SAXO5: variants seen among roughly 807,000 people sequenced by gnomAD.
The protein encoded by SAXO5 is stabilizer of axonemal microtubules 5, also known as testis expressed 45.
chr19:7,500,932 G>A, the SAXO5 span: 6 of 1,581,046 alleles, frequency 3.8e-6, no homozygotes, highest in Non-Finnish European at 5.1e-6. Flanking sequence ...CTGCACGAGG[G>A]CACCATGCGC....
chr19:7,504,299 G>C, the SAXO5 span: 1 of 1,614,164 alleles, frequency 6.2e-7, no homozygotes, highest in African/African-American at 1.3e-5. Context: ...TCCTATCCCT[G>C]TCTGCCCACA....
chr19:7,506,808 T>G, the SAXO5 span: 4 of 261,750 alleles, frequency 1.5e-5, no homozygotes, highest in East Asian at 9.7e-5. Context: ...CTCCCCCACC[T>G]CCTCCCTCTT....
chr19:7,505,952 G>A, the SAXO5 span: 1 of 1,558,744 alleles, frequency 6.4e-7, no homozygotes, highest in East Asian at 2.3e-5. Flanking sequence ...CAAATGCCAT[G>A]TGGTCCTACA....
chr19:7,498,393 CTTT>C, the SAXO5 span, among the ~76,000 whole-genome samples: 24,228 of 114,712 alleles, frequency 0.21, 2,020 homozygotes, highest in Middle Eastern at 0.26. Flanking sequence ...GTATTTTTTT[CTTT>C]TTTTTTTTTT....
the SAXO5 span, chr19:7,506,395 T>G: frequency 3.7e-6 from 2 of 541,750 alleles, no homozygotes; most frequent in Non-Finnish European, 3.3e-6. Flanking sequence ...CACCCCCAAT[T>G]GACCAGAACC....
the SAXO5 span, chr19:7,505,334 G>T: frequency 5.1e-5 from 82 of 1,613,982 alleles, no homozygotes; most frequent in Non-Finnish European, 6.5e-5. Context: ...GTATGACAAG[G>T]CCCAGGCCAC....
At chr19:7,508,195 TG>T in the SAXO5 span, 3 of 1,611,486 alleles carry the variant, frequency 1.9e-6, no homozygotes, top group African/African-American at 4.0e-5. Flanking sequence ...CTGTCCACCC[TG>T]TCTCCACAGT....
the SAXO5 span, chr19:7,504,508 C>T: frequency 3.9e-5 from 35 of 898,614 alleles, no homozygotes; most frequent in African/African-American, 5.7e-4. Flanking sequence ...GAGCTCGAGA[C>T]CAGCCTGGCC....
the SAXO5 span, chr19:7,506,333 C>A: frequency 1.5e-6 from 1 of 687,174 alleles, no homozygotes; most frequent in South Asian, 1.5e-5. Flanking sequence ...TCTGGCCCCG[C>A]CCCTAACCAG....
At chr19:7,508,177 C>G in the SAXO5 span, 16 of 1,600,540 alleles carry the variant, frequency 1.0e-5, no homozygotes, top group Non-Finnish European at 1.4e-5. Flanking sequence ...CCAGGCTGCC[C>G]TGCCAGGCTG....
the SAXO5 span, chr19:7,506,423 T>G: frequency 1.9e-6 from 1 of 513,584 alleles, no homozygotes; most frequent in East Asian, 4.0e-5. Context: ...TGCTCCTGGA[T>G]AATCCCGCCC....
the SAXO5 span, chr19:7,500,706 A>T: frequency 1.0e-6 from 1 of 985,632 alleles, no homozygotes; most frequent in Non-Finnish European, 1.4e-6. Flanking sequence ...CTTGGCGAAC[A>T]GAAAGGAGTC....
the SAXO5 span, among the ~76,000 whole-genome samples, chr19:7,497,971 C>T: frequency 0.029 from 4,382 of 151,860 alleles, 83 homozygotes; most frequent in Middle Eastern, 0.062. Context: ...GCCAACATGG[C>T]GAAACCCCGT....
the SAXO5 span, chr19:7,501,472 A>G: frequency 2.9e-6 from 4 of 1,358,446 alleles, no homozygotes; most frequent in African/African-American, 6.2e-5. Flanking sequence ...AGGGCTCTTC[A>G]TTCCCCTTCC....
the SAXO5 span, among the ~76,000 whole-genome samples, chr19:7,504,989 T>C: frequency 0.017 from 1,177 of 67,658 alleles, 21 homozygotes; most frequent in African/African-American, 0.06. Flanking sequence ...TTTTTTTTTC[T>C]TTTTTTTTTT....
the SAXO5 span, among the ~76,000 whole-genome samples, chr19:7,498,393 C>CTTTTT: frequency 2.6e-5 from 3 of 115,354 alleles, no homozygotes; most frequent in Non-Finnish European, 3.5e-5. Flanking sequence ...GTATTTTTTT[C>CTTTTT]TTTTTTTTTT....
chr19:7,505,262 G>T, the SAXO5 span: 1 of 1,494,816 alleles, frequency 6.7e-7, no homozygotes. Flanking sequence ...AGATTACAGG[G>T]GTGGGCCACC....
the SAXO5 span, chr19:7,506,147 C>T: frequency 6.2e-7 from 1 of 1,607,818 alleles, no homozygotes. Flanking sequence ...GCAAAGCTAC[C>T]TGCCGCGGGG....
At chr19:7,508,416 C>A in the SAXO5 span, 41 of 1,609,424 alleles carry the variant, frequency 2.5e-5, no homozygotes, top group East Asian at 9.2e-4. Flanking sequence ...GTACCTGTGC[C>A]CCAGCCAGCA....
Sources: gnomAD v4.1 joint callset for allele counts (sites outside exome capture counted in the v4.1 genomes callset) on GRCh38, gnomAD v4.1.1 for gene constraint, MANE v1.5 for transcripts, NCBI Gene and HGNC (gene_info 2026-07-23, HGNC 2026-07-21) for gene names.